The following FAT3 variants were observed in gnomAD, a reference collection of about 807,000 sequenced individuals.
The protein encoded by FAT3 is protocadherin Fat 3.
In FAT3, 95 loss-of-function variants were observed where a neutral mutation model predicts 310.2. The observed-to-expected ratio is 0.31, with a 90% CI of 0.26 to 0.36. The LOEUF (loss-of-function observed/expected upper bound fraction) is 0.36. Among genes scored for constraint, FAT3 ranks in the 10% least tolerant of loss-of-function variants. The pLI, the probability that FAT3 is intolerant of heterozygous loss-of-function variation, is 1.00. For synonymous variants in FAT3, 2,314 were observed against 2,192.9 expected (o/e 1.06, Z -1.54); for missense variants, 5,408 against 5,715.6 (o/e 0.95, Z 1.74).
At chr11:92,884,544 G>A (rs1260534139) in intron 24 of FAT3, among the ~76,000 whole-genome samples, 1 of 152,184 alleles carries the variant, frequency 6.6e-6, no homozygotes, top group Non-Finnish European at 1.5e-5. Context: ...TAGCACTGTG[G>A]CATATGCTGA....
At chr11:92,561,249 TCGTGTGTGTGTGTG>T (rs1955214393) in intron 3 of FAT3, among the ~76,000 whole-genome samples, 1 of 100,264 alleles carries the variant, frequency 1.0e-5, no homozygotes, top group African/African-American at 4.0e-5. Flanking sequence ...TCCTTCTACT[TCGTGTGTGTGTGTG>T]TGTGTGTGTG....
chr11:92,500,910 C>T (rs768333028), intron 2 of FAT3, among the ~76,000 whole-genome samples: 28 of 152,046 alleles, frequency 1.8e-4, no homozygotes, highest in Non-Finnish European at 2.9e-4. Flanking sequence ...TTTTATCCAG[C>T]ATACAGTCTG....
intron 3 of FAT3, among the ~76,000 whole-genome samples, chr11:92,668,641 A>G (rs761429569): frequency 1.2e-4 from 18 of 152,238 alleles, no homozygotes; most frequent in Non-Finnish European, 2.2e-4. Context: ...ATGAAAAAAT[A>G]ATACCTTCCT....
chr11:92,763,446 G>T (rs1946213780), intron 5 of FAT3, among the ~76,000 whole-genome samples: 1 of 151,472 alleles, frequency 6.6e-6, no homozygotes, highest in Admixed American at 6.5e-5. Flanking sequence ...GGACTGGATA[G>T]ATTCAAGTGG....
chr11:92,480,376 C>T (rs1952188503), intron 2 of FAT3, among the ~76,000 whole-genome samples: 1 of 152,194 alleles, frequency 6.6e-6, no homozygotes, highest in African/African-American at 2.4e-5. Context: ...TCGGCCACCT[C>T]TGTGTACCTC....
intron 7 of FAT3, among the ~76,000 whole-genome samples, chr11:92,776,663 T>C (rs1946607062): frequency 6.6e-6 from 1 of 152,206 alleles, no homozygotes; most frequent in South Asian, 2.1e-4. Context: ...TGTTTAGAAT[T>C]AGTTAGAGAA....
intron 4 of FAT3, among the ~76,000 whole-genome samples, chr11:92,725,724 C>G (rs1411419271): frequency 6.6e-6 from 1 of 152,120 alleles, no homozygotes; most frequent in African/African-American, 2.4e-5. Context: ...TAGAAGCATA[C>G]TAACATCAGC....
chr11:92,608,369 A>T (rs1488260413), intron 3 of FAT3, among the ~76,000 whole-genome samples: 1 of 152,128 alleles, frequency 6.6e-6, no homozygotes, highest in African/African-American at 2.4e-5. Context: ...TCAACTCCTT[A>T]TGGAATGTTA....
intron 3 of FAT3, among the ~76,000 whole-genome samples, chr11:92,685,872 C>A (rs933170359): frequency 6.6e-6 from 1 of 152,156 alleles, no homozygotes; most frequent in Non-Finnish European, 1.5e-5. Context: ...AGGGAAAATA[C>A]AAGGCTTCTT....
At chr11:92,331,813 T>C (rs933591950) in intron 1 of FAT3, among the ~76,000 whole-genome samples, 6 of 152,226 alleles carry the variant, frequency 3.9e-5, no homozygotes, top group African/African-American at 1.4e-4. Flanking sequence ...TGGCATATAA[T>C]CATGGGGATT....
intron 2 of FAT3, among the ~76,000 whole-genome samples, chr11:92,362,144 C>T (rs1228085829): frequency 3.9e-5 from 6 of 152,220 alleles, no homozygotes; most frequent in African/African-American, 4.8e-5. Context: ...GCTCTTGAAA[C>T]ATTTCTCCAG....
chr11:92,704,959 T>A (rs1317509062), intron 4 of FAT3, among the ~76,000 whole-genome samples: 1 of 152,196 alleles, frequency 6.6e-6, no homozygotes, highest in East Asian at 1.9e-4. Flanking sequence ...CCGTGCTTCA[T>A]GCTCCATATT....
At chr11:92,249,339 G>A (rs571774896) in intron 1 of FAT3, among the ~76,000 whole-genome samples, 1 of 152,118 alleles carries the variant, frequency 6.6e-6, no homozygotes, top group East Asian at 1.9e-4. Context: ...CTTAGGAGAA[G>A]GAAAACGCAG....
chr11:92,398,916 A>G (rs1949949375), intron 2 of FAT3, among the ~76,000 whole-genome samples: 1 of 152,210 alleles, frequency 6.6e-6, no homozygotes, highest in Admixed American at 6.5e-5. Flanking sequence ...AATAAACACA[A>G]TCTTACTTCA....
chr11:92,728,795 C>G (rs1424124517), intron 4 of FAT3, among the ~76,000 whole-genome samples: 1 of 152,066 alleles, frequency 6.6e-6, no homozygotes, highest in African/African-American at 2.4e-5. Context: ...TGGCCACATC[C>G]CTCTAATCTC....
intron 3 of FAT3, among the ~76,000 whole-genome samples, chr11:92,592,666 A>G (rs1450422659): frequency 1.3e-5 from 2 of 152,140 alleles, no homozygotes; most frequent in African/African-American, 4.8e-5. Flanking sequence ...TACTGACTAA[A>G]ACAAACTATG....
At chr11:92,755,444 G>C (rs781585133) in intron 4 of FAT3, among the ~76,000 whole-genome samples, 1 of 152,094 alleles carries the variant, frequency 6.6e-6, no homozygotes, top group Middle Eastern at 3.4e-3. Flanking sequence ...GCCTGGTATC[G>C]AACTCCTGAC....
intron 13 of FAT3, among the ~76,000 whole-genome samples, chr11:92,824,867 T>C (rs1368791931): frequency 6.6e-6 from 1 of 152,182 alleles, no homozygotes; most frequent in African/African-American, 2.4e-5. Context: ...TCTATGCCAT[T>C]ATATATTCTT....
At chr11:92,778,380 A>G (rs567573541) in intron 7 of FAT3, among the ~76,000 whole-genome samples, 2 of 152,320 alleles carry the variant, frequency 1.3e-5, no homozygotes, top group South Asian at 4.1e-4. Flanking sequence ...CACCAGAATT[A>G]GCATTTCCCT....
Sources: allele counts gnomAD v4.1 joint callset (sites outside exome capture counted in the v4.1 genomes callset), GRCh38; gene constraint gnomAD v4.1.1; transcripts MANE v1.5; gene names NCBI Gene and HGNC (gene_info 2026-07-23, HGNC 2026-07-21).